ADORA2B: variants seen among roughly 807,000 people sequenced by gnomAD.
The protein encoded by ADORA2B is adenosine receptor A2b.
ADORA2B carries 18 observed loss-of-function variants against 20.8 expected under a neutral mutation model. The ratio of observed to expected loss-of-function variants is 0.87; its 90% confidence interval spans 0.60 to 1.29. The LOEUF is 1.29. ADORA2B is among the 50% of genes most tolerant of loss of function. ADORA2B has a pLI of 0.00. For missense variants in ADORA2B, 441 were observed against 422.7 expected, an observed-to-expected ratio of 1.04 and a Z score of -0.38; for synonymous variants, 179 against 178.3, an observed-to-expected ratio of 1.00 and a Z score of -0.03.
At chr17:15,954,940 T>C (rs958167432) in intron 1 of ADORA2B, among the ~76,000 whole-genome samples, 1 of 152,198 alleles carries the variant, frequency 6.6e-6, no homozygotes, top group Non-Finnish European at 1.5e-5. Context: ...ACCTTTGGGA[T>C]CATTTGTTTT....
chr17:15,864,385 T>C, the ADORA2B span, among the ~76,000 whole-genome samples: 1 of 152,160 alleles, frequency 6.6e-6, no homozygotes, highest in African/African-American at 2.4e-5. Context: ...CCTTTTCCTT[T>C]GCTCAAAGTG....
the ADORA2B span, among the ~76,000 whole-genome samples, chr17:15,912,950 G>A: frequency 6.6e-6 from 1 of 152,206 alleles, no homozygotes; most frequent in Non-Finnish European, 1.5e-5. Context: ...TGAAGCCCCA[G>A]GGCTTATTCC....
chr17:15,862,854 CG>C, the ADORA2B span, among the ~76,000 whole-genome samples: 1 of 149,672 alleles, frequency 6.7e-6, no homozygotes, highest in Non-Finnish European at 1.5e-5. Flanking sequence ...ACCTCTGCCT[CG>C]GGTTCAAGCA....
chr17:15,861,682 G>T, the ADORA2B span, among the ~76,000 whole-genome samples: 6 of 152,200 alleles, frequency 3.9e-5, no homozygotes, highest in African/African-American at 1.4e-4. Flanking sequence ...GGGCAGGACT[G>T]CAAGACCAAC....
chr17:15,952,589 G>A (rs4791655), intron 1 of ADORA2B, among the ~76,000 whole-genome samples: 9,394 of 152,222 alleles, frequency 0.062, 983 homozygotes, highest in African/African-American at 0.21. Flanking sequence ...TCTAGTGGTG[G>A]ATGAATAAGG....
At chr17:15,919,704 G>A in the ADORA2B span, among the ~76,000 whole-genome samples, 1 of 152,156 alleles carries the variant, frequency 6.6e-6, no homozygotes, top group Admixed American at 6.5e-5. Context: ...CAGCCACCAG[G>A]TACAGCAGTG....
the ADORA2B span, among the ~76,000 whole-genome samples, chr17:15,862,469 C>G: frequency 6.6e-6 from 1 of 152,072 alleles, no homozygotes; most frequent in South Asian, 2.1e-4. Context: ...CTTCAGCCTC[C>G]CAAAACGCTG....
the ADORA2B span, among the ~76,000 whole-genome samples, chr17:15,857,233 T>G: frequency 0.23 from 34,876 of 152,160 alleles, 4,297 homozygotes; most frequent in Non-Finnish European, 0.28. Context: ...AGTCAAGAAC[T>G]GAGGTTTAGG....
At chr17:15,883,946 A>G in the ADORA2B span, among the ~76,000 whole-genome samples, 1 of 152,188 alleles carries the variant, frequency 6.6e-6, no homozygotes, top group African/African-American at 2.4e-5. Flanking sequence ...TGTGAACGAC[A>G]TTGTCTAAGT....
the ADORA2B span, among the ~76,000 whole-genome samples, chr17:15,909,189 G>A: frequency 2.1e-3 from 258 of 124,938 alleles, no homozygotes; most frequent in Middle Eastern, 0.011. Flanking sequence ...GCGAGACTAC[G>A]TCTCTAAAAA....
At chr17:15,953,260 G>T (rs1597423087) in intron 1 of ADORA2B, among the ~76,000 whole-genome samples, 1 of 152,220 alleles carries the variant, frequency 6.6e-6, no homozygotes, top group Non-Finnish European at 1.5e-5. Flanking sequence ...GCTTGCTGAG[G>T]GTTTTGGATT....
the ADORA2B span, chr17:15,860,771 G>A: frequency 0.08 from 12,786 of 159,046 alleles, 1,492 homozygotes; most frequent in African/African-American, 0.26. Flanking sequence ...ATGTTTGATG[G>A]CAATCAAGAG....
the ADORA2B span, among the ~76,000 whole-genome samples, chr17:15,938,741 C>T: frequency 6.6e-6 from 1 of 152,186 alleles, no homozygotes; most frequent in Non-Finnish European, 1.5e-5. Context: ...ACAGTGGGAA[C>T]CAAAAACATG....
chr17:15,866,933 C>T, the ADORA2B span, among the ~76,000 whole-genome samples: 408 of 149,564 alleles, frequency 2.7e-3, no homozygotes, highest in South Asian at 5.6e-3. Context: ...TGCAGGCGCG[C>T]GCCGCCACGC....
the ADORA2B span, among the ~76,000 whole-genome samples, chr17:15,854,837 A>C: frequency 2.6e-5 from 4 of 152,206 alleles, no homozygotes; most frequent in Non-Finnish European, 5.9e-5. Context: ...GAATCGATCA[A>C]ATAAATTATG....
At chr17:15,914,486 T>A in the ADORA2B span, among the ~76,000 whole-genome samples, 1 of 152,336 alleles carries the variant, frequency 6.6e-6, no homozygotes, top group South Asian at 2.1e-4. Flanking sequence ...ATTACAAGTG[T>A]GAGCCACTGT....
upstream of ADORA2B, among the ~76,000 whole-genome samples, chr17:15,941,763 T>C (rs950906031): frequency 6.7e-6 from 1 of 150,286 alleles, no homozygotes; most frequent in Non-Finnish European, 1.5e-5. Context: ...ATGCCATGAC[T>C]CTCTTCGGAT....
chr17:15,859,020 T>A, the ADORA2B span, among the ~76,000 whole-genome samples: 2 of 152,286 alleles, frequency 1.3e-5, no homozygotes, highest in South Asian at 2.1e-4. Flanking sequence ...CATAGGGTCT[T>A]GCTTTGTTGC....
At chr17:15,952,234 A>G (rs1969914404) in intron 1 of ADORA2B, among the ~76,000 whole-genome samples, 1 of 152,166 alleles carries the variant, frequency 6.6e-6, no homozygotes, top group Non-Finnish European at 1.5e-5. Context: ...TGTACACTGC[A>G]GGGACAGATA....
Sources: gnomAD v4.1 joint callset for allele counts (sites outside exome capture counted in the v4.1 genomes callset) on GRCh38, gnomAD v4.1.1 for gene constraint, MANE v1.5 for transcripts, NCBI Gene and HGNC (gene_info 2026-07-23, HGNC 2026-07-21) for gene names.